Variants in TMEM229B observed in about 807,000 individuals in gnomAD.
TMEM229B encodes the protein transmembrane protein 229B.
TMEM229B carries 6 observed loss-of-function variants against 13.7 expected under a neutral mutation model. That is an observed-to-expected ratio of 0.44 (90% CI 0.24 to 0.86). TMEM229B has a LOEUF of 0.86. Among genes scored for constraint, TMEM229B ranks in the 40% least tolerant of loss-of-function variants. The pLI is 0.23. For synonymous variants in TMEM229B, 107 were observed against 102.1 expected (o/e 1.05, Z -0.29); for missense variants, 170 against 236.0 (o/e 0.72, Z 1.83).
At chr14:67,490,906 GATATGCCCCCC>G (rs2032144728), upstream of TMEM229B, among the ~76,000 whole-genome samples, 2 of 152,176 alleles carry the variant, frequency 1.3e-5, no homozygotes, top group Admixed American at 1.3e-4. Flanking sequence ...GAGGGGGGCA[GATATGCCCCCC>G]ATATCTGGTC....
At chr14:67,504,828 G>A (rs1029674272) in intron 1 of TMEM229B, among the ~76,000 whole-genome samples, 1 of 152,108 alleles carries the variant, frequency 6.6e-6, no homozygotes, top group Non-Finnish European at 1.5e-5. Flanking sequence ...GAGGTTGCAG[G>A]TGAGCTGAGA....
At chr14:67,484,385 G>A (rs1483214461) in intron 2 of TMEM229B, among the ~76,000 whole-genome samples, 3 of 152,074 alleles carry the variant, frequency 2.0e-5, no homozygotes, top group Non-Finnish European at 2.9e-5. Flanking sequence ...TAGCTGCCTC[G>A]GTCTCTCTTC....
At chr14:67,476,203 A>G (rs2031183281) in intron 2 of TMEM229B, among the ~76,000 whole-genome samples, 1 of 152,250 alleles carries the variant, frequency 6.6e-6, no homozygotes, top group Admixed American at 6.5e-5. Flanking sequence ...CAGCTGAAGC[A>G]GGCCTGGTCA....
chr14:67,525,718 A>G (rs1036073156), intron 1 of TMEM229B, among the ~76,000 whole-genome samples: 7 of 152,220 alleles, frequency 4.6e-5, no homozygotes, highest in African/African-American at 1.7e-4. Context: ...TGACGGGAAA[A>G]TATATTTACA....
chr14:67,505,464 G>A (rs1566696107), intron 1 of TMEM229B, among the ~76,000 whole-genome samples: 2 of 152,200 alleles, frequency 1.3e-5, no homozygotes, highest in Non-Finnish European at 2.9e-5. Context: ...GAGGAGCCAA[G>A]GGAGACTGCT....
At chr14:67,502,092 G>A (rs866623728) in intron 1 of TMEM229B, among the ~76,000 whole-genome samples, 5 of 152,312 alleles carry the variant, frequency 3.3e-5, no homozygotes, top group Admixed American at 1.3e-4. Flanking sequence ...CAACACTTTG[G>A]GAGGCCAAGG....
At chr14:67,532,658 G>C (rs191801807) in intron 1 of TMEM229B, among the ~76,000 whole-genome samples, 1 of 152,292 alleles carries the variant, frequency 6.6e-6, no homozygotes, top group East Asian at 1.9e-4. Context: ...TTCGAGTCCA[G>C]CCTGGGCAAC....
intron 1 of TMEM229B, among the ~76,000 whole-genome samples, chr14:67,513,354 G>T (rs921664653): frequency 1.3e-5 from 2 of 152,174 alleles, no homozygotes; most frequent in African/African-American, 4.8e-5. Context: ...GTGCTTCTCT[G>T]GTGCAGTACC....
In TMEM229B at chr14:67,473,704, G is replaced by C. The variant is rs1365299331; in HGVS notation, c.220C>G (p.Leu74Val). ...AGCGTGTAGATGAGGCAGCGCAGGA[G>C]CAGCGGGCAGCGGCCGCGCAGCCGC... is the stretch of plus-strand genomic sequence containing the variant. ...YLRLRGRCPL[L>V]LRCLIYTLWT... Residue 74 changes from leucine to valine, a missense_variant, in exon 3 of 3, where the codon CTC becomes GTC. Coordinates refer to ENST00000554480, the MANE Select transcript of TMEM229B (RefSeq NM_001348543.2). The surrounding 1 kb of genome is among the most constrained non-coding windows in gnomAD (Gnocchi z 6.5). The C allele has an allele frequency of 6.3e-7, 1 of 1,594,982 alleles. No homozygotes were observed. The highest frequency in any genetic ancestry group is 8.5e-7 in the Non-Finnish European group (1 of 1,171,276).
chr14:67,472,912 G>C lies in TMEM229B; in HGVS notation c.*508C>G, dbSNP rs1434008080. 1.2e-5 allele frequency: 2 copies of C among 165,228 alleles called. No individual in the cohort carries two copies. Among genetic ancestry groups the C allele is most frequent in the Non-Finnish European group, 2.7e-5 (2 of 75,332 alleles). The allele number at this position is 165,228 out of a possible 1,614,324, so 10.2% of individuals were successfully genotyped here. ...TGCAGACCAGCGTTGCTGCCACGCA[G>C]CCTCCTGGCTGCCCAGTCTCTCCTC... On this transcript the variant is annotated 3_prime_UTR_variant, in exon 3 of 3. Transcript: ENST00000554480.
chr14:67,508,205 C>T (rs1287852709), intron 1 of TMEM229B, among the ~76,000 whole-genome samples: 1 of 151,704 alleles, frequency 6.6e-6, no homozygotes, highest in Non-Finnish European at 1.5e-5. Context: ...CCAGCTCTGA[C>T]TTTGTTCCTT....
chr14:67,481,515 G>T (rs1353427646), intron 2 of TMEM229B, among the ~76,000 whole-genome samples: 1 of 152,162 alleles, frequency 6.6e-6, no homozygotes, highest in African/African-American at 2.4e-5. Context: ...CAGAAGATGG[G>T]GTTGAAGAGA....
intron 1 of TMEM229B, among the ~76,000 whole-genome samples, chr14:67,499,624 T>C (rs80165468): frequency 1.9e-3 from 287 of 152,302 alleles, no homozygotes; most frequent in African/African-American, 6.3e-3. Context: ...TGTAAGAGGA[T>C]GCTTTAGTAT....
intron 1 of TMEM229B, among the ~76,000 whole-genome samples, chr14:67,501,979 T>G (rs182870154): frequency 6.6e-6 from 1 of 152,262 alleles, no homozygotes; most frequent in Admixed American, 6.5e-5. Context: ...TGCTTCAGAT[T>G]TCAAAATTGC....
At chr14:67,515,630 C>T (rs1016231549), upstream of TMEM229B, 2 of 152,312 alleles carry the variant, frequency 1.3e-5, no homozygotes, top group African/African-American at 4.8e-5. Context: ...CTGCCAGGGC[C>T]GCGGCGCAGG....
chr14:67,519,714 G>T (rs986992834), upstream of TMEM229B, among the ~76,000 whole-genome samples: 22 of 145,088 alleles, frequency 1.5e-4, no homozygotes, highest in Admixed American at 7.5e-4. Context: ...CTGTAAGTTT[G>T]TTTTTTTTTT....
At chr14:67,501,602 C>A (rs2032613992) in intron 1 of TMEM229B, among the ~76,000 whole-genome samples, 1 of 152,096 alleles carries the variant, frequency 6.6e-6, no homozygotes, top group Admixed American at 6.6e-5. Context: ...GGAGCCAGGG[C>A]TGAGATTAGG....
At chr14:67,532,460 C>A (rs912920435) in intron 1 of TMEM229B, among the ~76,000 whole-genome samples, 1 of 152,148 alleles carries the variant, frequency 6.6e-6, no homozygotes, top group African/African-American at 2.4e-5. Flanking sequence ...TTTCCAACCC[C>A]TCTGGGTATG....
intron 1 of TMEM229B, among the ~76,000 whole-genome samples, chr14:67,511,376 AT>A (rs2140241371): frequency 6.6e-6 from 1 of 152,182 alleles, no homozygotes; most frequent in East Asian, 1.9e-4. Flanking sequence ...AAAAACTGTC[AT>A]GCTTCTAGAA....
Sources: allele counts gnomAD v4.1 joint callset (sites outside exome capture counted in the v4.1 genomes callset), GRCh38; gene constraint gnomAD v4.1.1; non-coding constraint Gnocchi (gnomAD v3.1); transcripts MANE v1.5; gene names NCBI Gene and HGNC (gene_info 2026-07-23, HGNC 2026-07-21).